Variants in PTPRT observed in about 807,000 individuals in gnomAD.
The protein encoded by PTPRT is receptor-type tyrosine-protein phosphatase T.
In PTPRT, 56 loss-of-function variants were observed where a neutral mutation model predicts 176.8. The ratio of observed to expected loss-of-function variants is 0.32; its 90% CI spans 0.26 to 0.40. The LOEUF is 0.40. Among genes scored for constraint, PTPRT ranks in the 10% least tolerant of loss-of-function variants. The probability of loss-of-function intolerance (pLI) is 1.00; values close to 1 mark genes in which losing one functional copy is unlikely to be tolerated. For synonymous variants in PTPRT, 783 were observed against 739.0 expected (o/e 1.06, Z -0.96); for missense variants, 1,540 against 1,908.2 (o/e 0.81, Z 3.60).
intron 7 of PTPRT, among the ~76,000 whole-genome samples, chr20:42,520,841 GTAGA>G (rs57774363): frequency 0.27 from 39,000 of 143,484 alleles, 5,393 homozygotes; most frequent in Middle Eastern, 0.35. Flanking sequence ...GGGTGTGTGT[GTAGA>G]TAGATAGATA....
chr20:42,063,652 A>G, the PTPRT span: 4 of 152,148 alleles, frequency 2.6e-5, no homozygotes, highest in African/African-American at 9.7e-5. Flanking sequence ...ATTCTTAATC[A>G]GGTAAAGCAT....
intron 9 of PTPRT, among the ~76,000 whole-genome samples, chr20:42,423,575 A>C (rs2059139491): frequency 1.3e-5 from 2 of 152,150 alleles, no homozygotes; most frequent in African/African-American, 4.8e-5. Flanking sequence ...GCACCACTCT[A>C]GGGGAAGCAT....
intron 9 of PTPRT, among the ~76,000 whole-genome samples, chr20:42,429,058 G>A (rs1468865658): frequency 6.6e-6 from 1 of 152,184 alleles, no homozygotes; most frequent in Non-Finnish European, 1.5e-5. Flanking sequence ...AACTAGTTAA[G>A]TGGGCAAGCT....
chr20:42,501,031 C>T (rs1247801998), intron 7 of PTPRT, among the ~76,000 whole-genome samples: 1 of 152,128 alleles, frequency 6.6e-6, no homozygotes, highest in Non-Finnish European at 1.5e-5. Context: ...TGAATTTCCA[C>T]AATACTGACA....
chr20:42,649,855 G>A (rs965053906), intron 7 of PTPRT, among the ~76,000 whole-genome samples: 2 of 151,878 alleles, frequency 1.3e-5, no homozygotes, highest in Admixed American at 6.5e-5. Flanking sequence ...GCCAATCAGA[G>A]CCTTGCCTTA....
At chr20:42,091,371 A>T (rs1984601778) in intron 27 of PTPRT, among the ~76,000 whole-genome samples, 1 of 152,226 alleles carries the variant, frequency 6.6e-6, no homozygotes, top group African/African-American at 2.4e-5. Flanking sequence ...ACTGGAATAA[A>T]CATGCTCCGA....
intron 16 of PTPRT, among the ~76,000 whole-genome samples, chr20:42,181,605 C>A (rs1367319730): frequency 6.6e-6 from 1 of 152,188 alleles, no homozygotes; most frequent in African/African-American, 2.4e-5. Flanking sequence ...CCCAGCAATG[C>A]ATAAGATCAG....
At chr20:42,839,018 G>C (rs891604882) in intron 2 of PTPRT, among the ~76,000 whole-genome samples, 1 of 152,090 alleles carries the variant, frequency 6.6e-6, no homozygotes, top group African/African-American at 2.4e-5. Context: ...GCTACTTTAA[G>C]TATCTATCTC....
intron 9 of PTPRT, among the ~76,000 whole-genome samples, chr20:42,399,792 A>G (rs554637305): frequency 6.6e-6 from 1 of 152,300 alleles, no homozygotes; most frequent in Admixed American, 6.5e-5. Flanking sequence ...CACAAGTACT[A>G]CAACAATGTG....
At chr20:42,278,073 C>CTATATATA (rs777694770) in intron 13 of PTPRT, among the ~76,000 whole-genome samples, 1 of 39,256 alleles carries the variant, frequency 2.5e-5, no homozygotes, top group Non-Finnish European at 5.3e-5. Context: ...TGTAAGTAGA[C>CTATATATA]TATATATATA....
chr20:42,481,867 G>A (rs184440496), intron 7 of PTPRT, among the ~76,000 whole-genome samples: 3 of 152,098 alleles, frequency 2.0e-5, no homozygotes, highest in East Asian at 1.9e-4. Flanking sequence ...AAAGCATGTG[G>A]TGTACTTAGA....
At chr20:42,878,854 C>T (rs1446369127) in intron 2 of PTPRT, among the ~76,000 whole-genome samples, 1 of 151,978 alleles carries the variant, frequency 6.6e-6, no homozygotes, top group Non-Finnish European at 1.5e-5. Flanking sequence ...TGGTGAAACC[C>T]CGTCTCTACT....
chr20:42,996,198 G>A (rs949333322), intron 1 of PTPRT, among the ~76,000 whole-genome samples: 17 of 152,146 alleles, frequency 1.1e-4, no homozygotes, highest in Non-Finnish European at 1.5e-4. Flanking sequence ...AGGAAAGGAG[G>A]AGGAATGCCA....
rs144371203 is a variant in PTPRT at position 42,821,394 on chromosome 20, T to C, written c.215-29928A>G. 4.0e-3 allele frequency among the ~76,000 whole-genome samples: 610 copies of C among 152,272 alleles called. 7 individuals carry two copies. Among genetic ancestry groups the C allele is most frequent in the African/African-American group, 0.014 (594 of 41,558 alleles). On this transcript the variant is annotated intron_variant, in intron 2 of 30. Transcript: ENST00000373187. ...TGTTAAAAACTCTCAATAACCTTGG[T>C]AGTGATGGAACATATCTCAAAATGA...
At chr20:42,102,933 C>G (rs1986086834) in intron 25 of PTPRT, among the ~76,000 whole-genome samples, 1 of 152,212 alleles carries the variant, frequency 6.6e-6, no homozygotes, top group Admixed American at 6.5e-5. Context: ...GACCAGTGTT[C>G]TGTACCCTCC....
In PTPRT at chr20:42,222,675, C is replaced by T. The variant is rs975149123; in HGVS notation, c.2342+13554G>A. On this transcript the variant is annotated intron_variant, in intron 15 of 30. Transcript: ENST00000373187. ...TGGAGGTTCCTGGATGGTGGTGCCCCGGGGAGGTTATGGAAGCTCCATACC... is the reference window on the plus strand; with the variant it reads ...TGGAGGTTCCTGGATGGTGGTGCCCTGGGGAGGTTATGGAAGCTCCATACC... 1.3e-4 allele frequency among the ~76,000 whole-genome samples: 20 copies of T among 152,326 alleles called. 1 individual carries two copies. The East Asian group carries it at 2.9e-3, about 22-fold the overall frequency.
intron 1 of PTPRT, among the ~76,000 whole-genome samples, chr20:43,183,907 G>A (rs1171842622): frequency 6.6e-6 from 1 of 152,208 alleles, no homozygotes; most frequent in East Asian, 1.9e-4. Flanking sequence ...GAGGGATGAT[G>A]GACATCTGGA....
At chr20:43,130,932 G>C (rs2013626711) in intron 1 of PTPRT, among the ~76,000 whole-genome samples, 2 of 152,146 alleles carry the variant, frequency 1.3e-5, no homozygotes, top group Non-Finnish European at 2.9e-5. Context: ...CAAGTCTTCA[G>C]CAACTGGTGC....
Position 43,061,660 on chromosome 20 carries a change from G to A in PTPRT, c.88+127986C>T, listed in dbSNP as rs145959302. Among the ~76,000 whole-genome samples the A allele has an allele frequency of 9.6e-3, 1,457 of 152,296 alleles. 13 individuals are homozygous for A. Among genetic ancestry groups the A allele is most frequent in the African/African-American group, 0.033 (1,355 of 41,552 alleles). ...TTACTCCATGTCTAGCACTGTTCTA[G>A]ATACAACATGTTTTCACTCCTTTAG... On this transcript the variant is annotated intron_variant, in intron 1 of 30. Coordinates refer to ENST00000373187, the MANE Select transcript of PTPRT (RefSeq NM_007050.6).
Sources: allele counts gnomAD v4.1 joint callset (sites outside exome capture counted in the v4.1 genomes callset), GRCh38; gene constraint gnomAD v4.1.1; transcripts MANE v1.5; gene names NCBI Gene and HGNC (gene_info 2026-07-23, HGNC 2026-07-21).